BCKDHB: variants seen among roughly 807,000 people sequenced by gnomAD.
BCKDHB encodes the protein branched chain keto acid dehydrogenase E1 subunit beta, also known as 2-oxoisovalerate dehydrogenase subunit beta, mitochondrial.
A neutral mutation model predicts 48.5 loss-of-function variants in BCKDHB; 41 were observed. The observed-to-expected ratio is 0.85, with a 90% CI of 0.66 to 1.10. The LOEUF (loss-of-function observed/expected upper bound fraction) is 1.10. Ranked by LOEUF, BCKDHB falls within the 50% of genes least tolerant of loss-of-function variation. The pLI is 0.00. For missense variants in BCKDHB, 496 were observed against 494.2 expected, an observed-to-expected ratio of 1.00 and a Z score of -0.03; for synonymous variants, 201 against 174.8, an observed-to-expected ratio of 1.15 and a Z score of -1.18.
chr6:80,409,746 C>T, the BCKDHB span, among the ~76,000 whole-genome samples: 7 of 150,364 alleles, frequency 4.7e-5, no homozygotes, highest in African/African-American at 1.7e-4. Context: ...GGATTGCAAC[C>T]CCTGCTGCTT....
At position 80,241,795 on chromosome 6, in the gene BCKDHB, A is replaced by G. The variant is rs1050858167; in HGVS notation, c.952-31340A>G. Among the ~76,000 whole-genome samples the G allele has an allele frequency of 3.3e-5, 5 of 152,180 alleles. No homozygotes were observed. In the South Asian group the frequency reaches 6.2e-4, roughly 19 times the overall value. On this transcript the variant is annotated intron_variant, in intron 8 of 9. Transcript: ENST00000320393. Reference sequence around the variant, plus strand: ...TATGTGAGATGTCCTGTTGTGATCAATCTGATTGTGTGAAATGGTATCCTA... The same window carrying G: ...TATGTGAGATGTCCTGTTGTGATCAGTCTGATTGTGTGAAATGGTATCCTA...
rs190171539 is a variant in BCKDHB at position 80,170,843 on chromosome 6, A to G, written c.634-439A>G. ...TGAAATGAAGACCATATTTTTTTTC[A>G]TGGGAAAAGAAGATTTTGACATGTT... On this transcript the variant is annotated intron_variant, in intron 5 of 9. Coordinates refer to ENST00000320393, the MANE Select transcript of BCKDHB (RefSeq NM_183050.4). 2.0e-3 allele frequency among the ~76,000 whole-genome samples: 297 copies of G among 152,196 alleles called. 3 individuals carry two copies. Among genetic ancestry groups the G allele is most frequent in the African/African-American group, 6.1e-3 (252 of 41,542 alleles).
chr6:80,325,769 C>T (rs558134398), intron 9 of BCKDHB, among the ~76,000 whole-genome samples: 2 of 152,288 alleles, frequency 1.3e-5, no homozygotes, highest in Admixed American at 1.3e-4. Context: ...GGATTAAAAA[C>T]ACATGAGCAA....
chr6:80,130,251 C>T (rs528510979), intron 3 of BCKDHB, among the ~76,000 whole-genome samples: 15 of 152,310 alleles, frequency 9.8e-5, no homozygotes, highest in Admixed American at 2.6e-4. Flanking sequence ...AAGCAGTTCA[C>T]GTGAGGGCTG....
rs74492288 is a variant in BCKDHB at position 80,153,342 on chromosome 6, C to T, written c.344-14336C>T. Among the ~76,000 whole-genome samples, 1,047 of 152,204 alleles carry T rather than the reference C, an allele frequency of 6.9e-3. 8 individuals carry two copies. The highest frequency in any genetic ancestry group is 0.024 in the African/African-American group (987 of 41,508). Reference sequence around the variant, plus strand: ...CCGCTGTCATGGCTGAACTTCCTTCCCCACCCCACCCTTCATCCCAGATAG... The same window carrying T: ...CCGCTGTCATGGCTGAACTTCCTTCTCCACCCCACCCTTCATCCCAGATAG... On this transcript the variant is annotated intron_variant, in intron 3 of 9. Coordinates refer to ENST00000320393, the MANE Select transcript of BCKDHB (RefSeq NM_183050.4).
chr6:80,391,415 G>A, the BCKDHB span, among the ~76,000 whole-genome samples: 2 of 152,098 alleles, frequency 1.3e-5, no homozygotes, highest in Non-Finnish European at 1.5e-5. Flanking sequence ...AGAGGCAGAG[G>A]GAATTTGGGC....
intron 1 of BCKDHB, among the ~76,000 whole-genome samples, chr6:80,119,101 G>A (rs1408589289): frequency 6.6e-6 from 1 of 152,150 alleles, no homozygotes; most frequent in Admixed American, 6.5e-5. Context: ...ACCAGCCTGG[G>A]CAGCATGTGA....
intron 8 of BCKDHB, among the ~76,000 whole-genome samples, chr6:80,256,310 T>C (rs912386440): frequency 6.6e-6 from 1 of 152,190 alleles, no homozygotes; most frequent in African/African-American, 2.4e-5. Context: ...AGAACCTAGA[T>C]AGCCTACTAT....
At chr6:80,364,738 G>A in the BCKDHB span, among the ~76,000 whole-genome samples, 3 of 152,078 alleles carry the variant, frequency 2.0e-5, no homozygotes, top group African/African-American at 7.2e-5. Flanking sequence ...AACAAATGTT[G>A]GCAATTCATA....
At chr6:80,314,683 G>A (rs1034400574) in intron 9 of BCKDHB, among the ~76,000 whole-genome samples, 1 of 152,310 alleles carries the variant, frequency 6.6e-6, no homozygotes, top group Non-Finnish European at 1.5e-5. Context: ...AAGCCCGCAG[G>A]CTGGAACCGC....
chr6:80,230,023 G>GTTTTTTTTTTT (rs1215666594), intron 8 of BCKDHB, among the ~76,000 whole-genome samples: 4 of 89,506 alleles, frequency 4.5e-5, no homozygotes, highest in South Asian at 3.9e-4. Context: ...GGGTTTTTAG[G>GTTTTTTTTTTT]TTGTTTTTTT....
chr6:80,444,690 A>G, the BCKDHB span, among the ~76,000 whole-genome samples: 1 of 152,198 alleles, frequency 6.6e-6, no homozygotes, highest in African/African-American at 2.4e-5. Flanking sequence ...CTAAATGCCT[A>G]CTGCATATGT....
intron 6 of BCKDHB, among the ~76,000 whole-genome samples, chr6:80,177,157 G>A (rs1773195726): frequency 6.7e-6 from 1 of 149,338 alleles, no homozygotes; most frequent in African/African-American, 2.5e-5. Context: ...CGCCTGGGGA[G>A]GCTGAGGCTG....
chr6:80,289,995 C>T (rs1256204460), intron 9 of BCKDHB, among the ~76,000 whole-genome samples: 1 of 152,100 alleles, frequency 6.6e-6, no homozygotes, highest in Non-Finnish European at 1.5e-5. Flanking sequence ...CAGGGTCACG[C>T]TTAGCCACCC....
the BCKDHB span, among the ~76,000 whole-genome samples, chr6:80,419,637 C>A: frequency 6.6e-6 from 1 of 152,162 alleles, no homozygotes; most frequent in Non-Finnish European, 1.5e-5. Context: ...GCAGCCTCAA[C>A]CACCCCATCA....
At chr6:80,229,775 C>T (rs529124821) in intron 8 of BCKDHB, among the ~76,000 whole-genome samples, 2 of 152,006 alleles carry the variant, frequency 1.3e-5, no homozygotes, top group East Asian at 3.9e-4. Context: ...AGGTTTTCCT[C>T]ATATTATTAG....
At chr6:80,160,589 G>A (rs1477582432) in intron 3 of BCKDHB, among the ~76,000 whole-genome samples, 1 of 152,222 alleles carries the variant, frequency 6.6e-6, no homozygotes, top group East Asian at 1.9e-4. Context: ...AGCAAGAGGA[G>A]TCACCTGCTG....
intron 6 of BCKDHB, among the ~76,000 whole-genome samples, chr6:80,191,019 T>C (rs560902765): frequency 5.3e-5 from 8 of 152,282 alleles, no homozygotes; most frequent in South Asian, 4.2e-4. Context: ...CCAGCACTGA[T>C]AGTGGCTCCT....
At chr6:80,435,903 C>T in the BCKDHB span, among the ~76,000 whole-genome samples, 1 of 152,112 alleles carries the variant, frequency 6.6e-6, no homozygotes. Flanking sequence ...TGTAGTGGCG[C>T]ATGCCTGTAA....
Sources: allele counts gnomAD v4.1 joint callset (sites outside exome capture counted in the v4.1 genomes callset), GRCh38; gene constraint gnomAD v4.1.1; transcripts MANE v1.5; gene names NCBI Gene and HGNC (gene_info 2026-07-23, HGNC 2026-07-21).